Variants in DYNC1I2 observed in about 807,000 individuals in gnomAD.
The protein encoded by DYNC1I2 is cytoplasmic dynein 1 intermediate chain 2.
Under a neutral mutation model 88.6 loss-of-function variants are expected in DYNC1I2, and 53 were observed. That is an observed-to-expected ratio of 0.60 (90% CI 0.48 to 0.75). DYNC1I2 has a LOEUF of 0.75. DYNC1I2 is among the 30% of genes least tolerant of loss of function. The pLI is 0.00. For missense variants in DYNC1I2, 458 were observed against 766.6 expected, an observed-to-expected ratio of 0.60 and a Z score of 4.75; for synonymous variants, 198 against 254.6, an observed-to-expected ratio of 0.78 and a Z score of 2.12.
At chr2:171,730,081 A>G (rs1169988010) in intron 15 of DYNC1I2, among the ~76,000 whole-genome samples, 1 of 152,166 alleles carries the variant, frequency 6.6e-6, no homozygotes, top group Non-Finnish European at 1.5e-5. Context: ...CAGTCTTCCC[A>G]CCACTTCAGT....
At chr2:171,688,842 TAC>T (rs905183577) in intron 1 of DYNC1I2, among the ~76,000 whole-genome samples, 6 of 152,196 alleles carry the variant, frequency 3.9e-5, no homozygotes, top group South Asian at 2.1e-4. Flanking sequence ...CCTCTGGAAA[TAC>T]AGTTTTCCAG....
chr2:171,744,422 A>C, intron 16 of DYNC1I2, among the ~76,000 whole-genome samples: 1 of 152,344 alleles, frequency 6.6e-6, no homozygotes, highest in East Asian at 1.9e-4. Flanking sequence ...TACTTCTGAA[A>C]AGCACTATCA....
At chr2:171,704,054 C>G (rs1345465157) in intron 3 of DYNC1I2, among the ~76,000 whole-genome samples, 1 of 152,110 alleles carries the variant, frequency 6.6e-6, no homozygotes, top group Non-Finnish European at 1.5e-5. Context: ...CAGCTATGTG[C>G]CATCCTTTGC....
At chr2:171,743,051 C>CA (rs1283661484) in intron 15 of DYNC1I2, among the ~76,000 whole-genome samples, 1 of 152,096 alleles carries the variant, frequency 6.6e-6, no homozygotes, top group East Asian at 1.9e-4. Flanking sequence ...TTCTGACTTC[C>CA]AAAAAACTTA....
chr2:171,720,199 A>G (rs565640452), intron 7 of DYNC1I2, among the ~76,000 whole-genome samples: 6 of 152,290 alleles, frequency 3.9e-5, no homozygotes, highest in African/African-American at 1.4e-4. Context: ...ACATCCAGAA[A>G]CTGGCACTTG....
intron 16 of DYNC1I2, among the ~76,000 whole-genome samples, chr2:171,744,602 C>A (rs1016785545): frequency 6.6e-6 from 1 of 152,086 alleles, no homozygotes; most frequent in African/African-American, 2.4e-5. Context: ...AAACATTAAT[C>A]TTAGCCTGAT....
chr2:171,697,559 A>G (rs370014545), intron 3 of DYNC1I2, among the ~76,000 whole-genome samples: 2 of 152,142 alleles, frequency 1.3e-5, no homozygotes, highest in South Asian at 2.1e-4. Flanking sequence ...CTGTCATCCC[A>G]TTACTTTGGG....
At chr2:171,701,494 C>CT (rs1330993143) in intron 3 of DYNC1I2, among the ~76,000 whole-genome samples, 14 of 151,368 alleles carry the variant, frequency 9.2e-5, no homozygotes, top group Admixed American at 3.3e-4. Context: ...TTTATGCCAA[C>CT]TTTTTTTTTG....
chr2:171,744,148 A>C lies in DYNC1I2; in HGVS notation c.1636A>C (p.Met546Leu). ...HPALFACVDG[M>L]GRLDLWNLNN... ...AGCCCTGTTTGCCTGTGTGGATGGC[A>C]TGGGGAGATTGGATTTGTGGAATCT... Residue 546 changes from methionine (M) to leucine (L), a missense_variant, in exon 16 of 18, where the codon ATG becomes CTG. Met to Leu is a conservative substitution (Grantham distance 15). This residue lies in a region of DYNC1I2 where 188 missense variants were observed against 300.4 expected (regional missense o/e 0.63). Coordinates refer to ENST00000397119, the MANE Select transcript of DYNC1I2 (RefSeq NM_001378.3). The C allele has an allele frequency of 6.2e-7, 1 of 1,613,184 alleles. No homozygotes were observed. Among genetic ancestry groups the C allele is most frequent in the Non-Finnish European group, 8.5e-7 (1 of 1,179,634 alleles).
chr2:171,744,504 A>G (rs1462622710), intron 16 of DYNC1I2, among the ~76,000 whole-genome samples: 1 of 152,246 alleles, frequency 6.6e-6, no homozygotes, highest in African/African-American at 2.4e-5. Context: ...GCTAGAAAGC[A>G]GATAGTTTCA....
chr2:171,698,547 C>T (rs1685957742), intron 3 of DYNC1I2, among the ~76,000 whole-genome samples: 1 of 151,976 alleles, frequency 6.6e-6, no homozygotes, highest in Non-Finnish European at 1.5e-5. Context: ...GCCACCACAC[C>T]CAGCTAATTT....
chr2:171,736,647 G>A (rs771107210), intron 15 of DYNC1I2, among the ~76,000 whole-genome samples: 3 of 152,178 alleles, frequency 2.0e-5, no homozygotes, highest in East Asian at 3.9e-4. Flanking sequence ...TCTCCTGGAC[G>A]ATGCTTGAAT....
chr2:171,713,472 G>A (rs973777855), intron 6 of DYNC1I2, among the ~76,000 whole-genome samples: 4 of 150,422 alleles, frequency 2.7e-5, no homozygotes, highest in Non-Finnish European at 3.0e-5. Flanking sequence ...TTAGTGAAAC[G>A]TTAGAAAACT....
chr2:171,695,663 A>C (rs1685714445), intron 3 of DYNC1I2, among the ~76,000 whole-genome samples: 1 of 152,276 alleles, frequency 6.6e-6, no homozygotes, highest in South Asian at 2.1e-4. Flanking sequence ...GCAACACTGC[A>C]AAAAATATGT....
At chr2:171,692,693 G>A (rs1685485981) in intron 2 of DYNC1I2, 84 bp from the exon 3 acceptor site, 1 of 872,530 alleles carries the variant, frequency 1.1e-6, no homozygotes. Context: ...AAAGTATACA[G>A]TGTTAGCATA....
chr2:171,712,974 G>A (rs139271670), intron 6 of DYNC1I2, 148 bp downstream of exon 6: 109 of 660,246 alleles, frequency 1.7e-4, no homozygotes, highest in African/African-American at 1.6e-3. Context: ...CATTTATCCA[G>A]TATCTTTAGT....
rs777293726 is a variant in DYNC1I2, at chr2:171,732,009, G to T, written c.1536+2156G>T. On this transcript the variant is annotated intron_variant, in intron 15 of 17. Coordinates refer to ENST00000397119, the MANE Select transcript of DYNC1I2 (RefSeq NM_001378.3). ...TCACTTTGCAAAACATTTATTCCTT[G>T]ATTTAACCCACCACCTCTTCACCAA... Among the ~76,000 whole-genome samples, 3 of 152,212 alleles carry T rather than the reference G, an allele frequency of 2.0e-5. 1 individual carries two copies. Among genetic ancestry groups the T allele is most frequent in the East Asian group, 3.9e-4 (2 of 5,184 alleles).
Position 171,692,944 on chromosome 2 carries a change from C to A in DYNC1I2, c.226+50C>A, listed in dbSNP as rs1411671747. 5.4e-6 allele frequency: 7 copies of A among 1,305,920 alleles called. No homozygotes were observed. In the South Asian group the frequency reaches 7.6e-5, roughly 14 times the overall value. The allele number at this position is 1,305,920 out of a possible 1,614,324, so 80.9% of individuals were successfully genotyped here. A position where few individuals can be genotyped will look rare whatever the true frequency, so the allele number is the denominator to read the frequency against. ...ATAAGAGATAGGCATAGATTCTGTT[C>A]AGCTCAGACATAGCTGAGTGGATTG... is the stretch of plus-strand genomic sequence containing the variant. On this transcript the variant is annotated intron_variant, in intron 3 of 17. Transcript: ENST00000397119.
intron 5 of DYNC1I2, among the ~76,000 whole-genome samples, chr2:171,708,067 T>A (rs2674482): frequency 0.81 from 121,440 of 149,280 alleles, 50,512 homozygotes; most frequent in East Asian, 0.91. Flanking sequence ...TTTGTCTCTC[T>A]CACACACACA....
Sources: gnomAD v4.1 joint callset for allele counts (sites outside exome capture counted in the v4.1 genomes callset) on GRCh38, gnomAD v4.1.1 for gene constraint, gnomAD v4.1.1 regional missense constraint, MANE v1.5 for transcripts, NCBI Gene and HGNC (gene_info 2026-07-23, HGNC 2026-07-21) for gene names.